SCHIP1: variants seen among roughly 807,000 people sequenced by gnomAD.
SCHIP1 encodes the protein schwannomin-interacting protein 1.
Under a neutral mutation model 29.7 loss-of-function variants are expected in SCHIP1, and 8 were observed. The ratio of observed to expected loss-of-function variants is 0.27; its 90% confidence interval spans 0.16 to 0.49. The LOEUF (loss-of-function observed/expected upper bound fraction) is 0.49. Among genes scored for constraint, SCHIP1 ranks in the 20% least tolerant of loss-of-function variants. The probability of loss-of-function intolerance (pLI) is 0.99; values close to 1 mark genes in which losing one functional copy is unlikely to be tolerated. For synonymous variants in SCHIP1, 76 were observed against 94.9 expected (o/e 0.80, Z 1.16); for missense variants, 193 against 294.6 (o/e 0.66, Z 2.52).
the SCHIP1 span, among the ~76,000 whole-genome samples, chr3:159,305,007 AT>A: frequency 1.3e-5 from 2 of 150,306 alleles, no homozygotes; most frequent in African/African-American, 2.4e-5. Context: ...TCTTCTTCCC[AT>A]TTTTTTTCAA....
At chr3:159,599,106 T>C in the SCHIP1 span, among the ~76,000 whole-genome samples, 42 of 152,314 alleles carry the variant, frequency 2.8e-4, no homozygotes, top group African/African-American at 8.7e-4. Context: ...GGTGACTTTA[T>C]TGAAAAGATG....
chr3:159,410,735 A>G, the SCHIP1 span, among the ~76,000 whole-genome samples: 1 of 152,138 alleles, frequency 6.6e-6, no homozygotes. Context: ...AGAAAATTAA[A>G]AATAGAGCTA....
intron 2 of SCHIP1, among the ~76,000 whole-genome samples, chr3:159,870,201 A>G (rs1219262488): frequency 1.3e-5 from 2 of 151,940 alleles, no homozygotes; most frequent in Non-Finnish European, 2.9e-5. Context: ...TTCATTTTCA[A>G]TTCTCATGCT....
chr3:159,444,755 C>A, the SCHIP1 span, among the ~76,000 whole-genome samples: 2 of 152,148 alleles, frequency 1.3e-5, no homozygotes, highest in African/African-American at 4.8e-5. Flanking sequence ...AGAACGATTT[C>A]TCAGAGAAGG....
the SCHIP1 span, among the ~76,000 whole-genome samples, chr3:159,329,107 T>C: frequency 3.9e-5 from 6 of 152,090 alleles, no homozygotes; most frequent in South Asian, 1.2e-3. Context: ...CCGGGGAGCT[T>C]AGAGCAGGGA....
At chr3:159,629,672 A>G in the SCHIP1 span, among the ~76,000 whole-genome samples, 2 of 152,186 alleles carry the variant, frequency 1.3e-5, no homozygotes, top group Non-Finnish European at 2.9e-5. Flanking sequence ...CTCCTTCACA[A>G]GGCTGTTGTA....
the SCHIP1 span, among the ~76,000 whole-genome samples, chr3:159,472,137 T>C: frequency 2.0e-5 from 3 of 152,186 alleles, no homozygotes; most frequent in African/African-American, 7.2e-5. Context: ...ATTTTAATTA[T>C]ACAAACTATA....
chr3:159,767,638 T>A, the SCHIP1 span, among the ~76,000 whole-genome samples: 2 of 152,196 alleles, frequency 1.3e-5, no homozygotes, highest in African/African-American at 4.8e-5. Flanking sequence ...CTTCACCAAG[T>A]AAGCCTATTC....
chr3:159,532,931 A>T, the SCHIP1 span, among the ~76,000 whole-genome samples: 1 of 152,240 alleles, frequency 6.6e-6, no homozygotes. Flanking sequence ...ATTATTTATG[A>T]GTATGACCAA....
chr3:159,459,392 G>A, the SCHIP1 span, among the ~76,000 whole-genome samples: 1 of 152,092 alleles, frequency 6.6e-6, no homozygotes, highest in Admixed American at 6.6e-5. Context: ...TGCTCATACT[G>A]CTAATCAGCC....
At chr3:159,545,052 A>G in the SCHIP1 span, among the ~76,000 whole-genome samples, 7 of 152,082 alleles carry the variant, frequency 4.6e-5, no homozygotes, top group Admixed American at 4.6e-4. Context: ...CATGTTTCCC[A>G]ATTGAATATG....
At chr3:159,848,950 A>C (rs1481983143) in intron 1 of SCHIP1, among the ~76,000 whole-genome samples, 3 of 152,158 alleles carry the variant, frequency 2.0e-5, no homozygotes, top group Non-Finnish European at 4.4e-5. Context: ...GAGGGTGCAC[A>C]GTGATGTCAC....
At chr3:159,760,814 C>A in the SCHIP1 span, among the ~76,000 whole-genome samples, 5 of 152,208 alleles carry the variant, frequency 3.3e-5, no homozygotes, top group Admixed American at 6.5e-5. Context: ...TTTTATGAAA[C>A]TTTCTTTCCC....
the SCHIP1 span, among the ~76,000 whole-genome samples, chr3:159,338,536 G>A: frequency 1.7e-3 from 263 of 152,140 alleles, 2 homozygotes; most frequent in Non-Finnish European, 2.8e-3. Context: ...TGTTCTAGAC[G>A]GGAAACCATT....
At chr3:159,518,500 A>C in the SCHIP1 span, among the ~76,000 whole-genome samples, 1 of 151,996 alleles carries the variant, frequency 6.6e-6, no homozygotes, top group African/African-American at 2.4e-5. Flanking sequence ...ACAATGGAAA[A>C]CTCGTAGACT....
At chr3:159,347,798 T>C in the SCHIP1 span, among the ~76,000 whole-genome samples, 1 of 152,186 alleles carries the variant, frequency 6.6e-6, no homozygotes, top group East Asian at 1.9e-4. Context: ...ATTCAATTCC[T>C]GAGTTATGAC....
At chr3:159,575,236 G>T in the SCHIP1 span, among the ~76,000 whole-genome samples, 1 of 152,090 alleles carries the variant, frequency 6.6e-6, no homozygotes, top group Non-Finnish European at 1.5e-5. Flanking sequence ...GCCATCTTGC[G>T]ACTGTCTTTT....
the SCHIP1 span, among the ~76,000 whole-genome samples, chr3:159,457,396 GT>G: frequency 0.027 from 3,926 of 144,832 alleles, 131 homozygotes; most frequent in African/African-American, 0.08. Flanking sequence ...TGCTGTTTCT[GT>G]TTTTTTTTTT....
chr3:159,399,701 G>T, the SCHIP1 span, among the ~76,000 whole-genome samples: 4 of 152,082 alleles, frequency 2.6e-5, no homozygotes, highest in African/African-American at 9.7e-5. Flanking sequence ...ATTAGAGATA[G>T]GGTCTTGCTC....
Sources: gnomAD v4.1 joint callset for allele counts (sites outside exome capture counted in the v4.1 genomes callset) on GRCh38, gnomAD v4.1.1 for gene constraint, MANE v1.5 for transcripts, NCBI Gene and HGNC (gene_info 2026-07-23, HGNC 2026-07-21) for gene names.